The following RXFP1 variants were observed in gnomAD, a reference collection of about 807,000 sequenced individuals.
RXFP1 encodes relaxin receptor 1.
RXFP1 carries 73 observed loss-of-function variants against 89.8 expected under a neutral mutation model. The observed-to-expected ratio is 0.81, with a 90% confidence interval of 0.67 to 0.99. The LOEUF is 0.99. Ranked by LOEUF, RXFP1 falls within the 50% of genes least tolerant of loss-of-function variation. RXFP1 has a pLI of 0.00. For synonymous variants in RXFP1, 277 were observed against 305.5 expected (o/e 0.91, Z 0.97); for missense variants, 793 against 895.5 (o/e 0.89, Z 1.46).
chr4:158,634,317 C>G (rs1768702635), intron 12 of RXFP1, among the ~76,000 whole-genome samples: 1 of 152,040 alleles, frequency 6.6e-6, no homozygotes, highest in Non-Finnish European at 1.5e-5. Flanking sequence ...ATTTGGATAC[C>G]TTCTTGCAGA....
intron 9 of RXFP1, among the ~76,000 whole-genome samples, chr4:158,623,363 G>C: frequency 7.3e-6 from 1 of 137,172 alleles, no homozygotes; most frequent in African/African-American, 2.9e-5. Flanking sequence ...AAAAAAATTA[G>C]CCAAGCATGG....
chr4:158,618,044 A>T lies in RXFP1; in HGVS notation c.755+839A>T, dbSNP rs1764929656. Among the ~76,000 whole-genome samples, 3 of 152,282 alleles carry T rather than the reference A, an allele frequency of 2.0e-5. No individual in the cohort carries two copies. The East Asian group carries it at 5.8e-4, about 29-fold the overall frequency. On this transcript the variant is annotated intron_variant, in intron 9 of 17. Coordinates refer to ENST00000307765, the MANE Select transcript of RXFP1 (RefSeq NM_021634.4). ...GTAATTCAAACTGTACTAATCTGCAACCTCTCAGAAAAAAACAAACATTCT... is the reference window on the plus strand; with the variant it reads ...GTAATTCAAACTGTACTAATCTGCATCCTCTCAGAAAAAAACAAACATTCT...
chr4:158,533,674 G>C (rs984107475), intron 1 of RXFP1, among the ~76,000 whole-genome samples: 1 of 152,142 alleles, frequency 6.6e-6, no homozygotes, highest in African/African-American at 2.4e-5. Flanking sequence ...CAAAAAGTGT[G>C]CTTATCCTAT....
Position 158,612,143 on chromosome 4 carries a change from A to G in RXFP1, c.550A>G (p.Asn184Asp). Residue 184 changes from asparagine to aspartate, a missense_variant, in exon 7 of 18, where the codon AAC becomes GAC. Coordinates refer to ENST00000307765, the MANE Select transcript of RXFP1 (RefSeq NM_021634.4). Reference protein sequence around the residue: ...NSLTKLYLSHNRITFLKPGVF... With the variant: ...NSLTKLYLSHDRITFLKPGVF... The stretch of plus-strand genomic sequence containing the variant: ...CTCCTTTTCCAGGTATCTCAGTCAT[A>G]ACAGAATAACCTTCCTGAAGCCGGG... 1 of 1,608,830 alleles carries G rather than the reference A, an allele frequency of 6.2e-7. No homozygotes were observed. Among genetic ancestry groups the G allele is most frequent in the Non-Finnish European group, 8.5e-7 (1 of 1,178,226 alleles).
intron 3 of RXFP1, among the ~76,000 whole-genome samples, chr4:158,597,906 C>G (rs775944581): frequency 1.3e-5 from 2 of 152,168 alleles, no homozygotes; most frequent in Non-Finnish European, 2.9e-5. Context: ...AAAGTGGGTA[C>G]TTGCAACTAT....
intron 16 of RXFP1, among the ~76,000 whole-genome samples, 174 bp downstream of exon 16, chr4:158,647,375 C>A (rs963431964): frequency 6.6e-6 from 1 of 152,174 alleles, no homozygotes; most frequent in Non-Finnish European, 1.5e-5. Context: ...ACACTAAACA[C>A]CTGTATTTCA....
chr4:158,623,342 CAAA>C (rs35034196), intron 9 of RXFP1, among the ~76,000 whole-genome samples: 4 of 106,318 alleles, frequency 3.8e-5, no homozygotes, highest in Admixed American at 2.9e-4. Context: ...CTACTAAATA[CAAA>C]AAAAAAAAAA....
intron 1 of RXFP1, among the ~76,000 whole-genome samples, chr4:158,547,826 A>G (rs1425417993): frequency 2.6e-5 from 4 of 151,946 alleles, no homozygotes; most frequent in African/African-American, 9.7e-5. Context: ...AGTTTGTTAT[A>G]ATTTCTGTTC....
rs1553993932 is a variant in RXFP1 at position 158,542,079 on chromosome 4, CTATA to C, written c.49+20082_49+20085del. ...GGACTACAGGCAGGCGCCACCATGG[CTATA>C]TATATATATATATATATATATATAT... On this transcript the variant is annotated intron_variant, in intron 1 of 17. Transcript: ENST00000307765. Among the ~76,000 whole-genome samples the C allele has an allele frequency of 4.0e-3, 119 of 29,830 alleles. 10 individuals carry two copies. In the Middle Eastern group the frequency reaches 0.12, roughly 29 times the overall value. 19.6% of individuals were successfully genotyped at this position (29,830 alleles called of 152,430 possible).
intron 2 of RXFP1, among the ~76,000 whole-genome samples, chr4:158,590,803 C>G (rs1420391192): frequency 6.6e-6 from 1 of 152,000 alleles, no homozygotes; most frequent in Non-Finnish European, 1.5e-5. Context: ...AGAAACCACT[C>G]TAGATATTTT....
chr4:158,628,719 A>G lies in RXFP1; in HGVS notation c.899+10A>G, dbSNP rs377614595. On this transcript the variant is annotated intron_variant, in intron 11 of 17. Transcript: ENST00000307765. ...AGAAACTGGATGAATTGTAAGTATG[A>G]CTGAACATATACTGATAAGAATTTT... is the stretch of plus-strand genomic sequence containing the variant. 18 of 1,462,338 alleles carry G rather than the reference A, an allele frequency of 1.2e-5. No individual in the cohort carries two copies. In the African/African-American group the frequency reaches 2.0e-4, roughly 16 times the overall value. 90.6% of individuals were successfully genotyped at this position (1,462,338 alleles called of 1,614,324 possible).
intron 14 of RXFP1, 64 bp from the exon 15 acceptor site, chr4:158,644,845 T>C: frequency 1.9e-6 from 2 of 1,063,020 alleles, no homozygotes; most frequent in Non-Finnish European, 2.8e-6. Flanking sequence ...AGGAAATAAA[T>C]ATGAATGTAT....
chr4:158,554,544 A>G (rs1378783095), intron 1 of RXFP1, among the ~76,000 whole-genome samples: 2 of 152,178 alleles, frequency 1.3e-5, no homozygotes, highest in East Asian at 3.8e-4. Context: ...ACAACTTATT[A>G]TATCAGTGGA....
At chr4:158,617,077 C>A in intron 8 of RXFP1, 54 bp from the exon 9 acceptor site, 1 of 1,208,136 alleles carries the variant, frequency 8.3e-7, no homozygotes, top group Non-Finnish European at 1.2e-6. Context: ...ATGTTTGACC[C>A]AAGATGAGAA....
chr4:158,545,061 C>T (rs1252286526), intron 1 of RXFP1, among the ~76,000 whole-genome samples: 2 of 151,498 alleles, frequency 1.3e-5, no homozygotes, highest in African/African-American at 2.4e-5. Context: ...TACAGTCCCA[C>T]CAACAGTGTA....
At chr4:158,587,645 G>T (rs995970157) in intron 2 of RXFP1, among the ~76,000 whole-genome samples, 12 of 152,128 alleles carry the variant, frequency 7.9e-5, no homozygotes, top group African/African-American at 2.7e-4. Flanking sequence ...GCCTAGAAAA[G>T]AAATACAATA....
At chr4:158,542,109 A>ATATATTTTTTTT in intron 1 of RXFP1, among the ~76,000 whole-genome samples, 26 of 35,230 alleles carry the variant, frequency 7.4e-4, no homozygotes, top group East Asian at 1.2e-3. Flanking sequence ...ATATATATAT[A>ATATATTTTTTTT]TTTTTTTTTT....
At chr4:158,537,896 C>T (rs953818696) in intron 1 of RXFP1, among the ~76,000 whole-genome samples, 3 of 152,128 alleles carry the variant, frequency 2.0e-5, no homozygotes, top group Non-Finnish European at 4.4e-5. Flanking sequence ...ATAGAGGGAT[C>T]CCAAGCAATC....
intron 2 of RXFP1, among the ~76,000 whole-genome samples, chr4:158,588,932 A>G (rs1758823819): frequency 6.6e-6 from 1 of 152,188 alleles, no homozygotes; most frequent in South Asian, 2.1e-4. Context: ...TGGAATCCAG[A>G]AACTCCAGGA....
Sources: allele counts gnomAD v4.1 joint callset (sites outside exome capture counted in the v4.1 genomes callset), GRCh38; gene constraint gnomAD v4.1.1; transcripts MANE v1.5; gene names NCBI Gene and HGNC (gene_info 2026-07-23, HGNC 2026-07-21).